SUFU: variants seen among roughly 807,000 people sequenced by gnomAD.
SUFU encodes the protein SUFU negative regulator of hedgehog signaling.
SUFU carries 7 observed loss-of-function variants against 58.9 expected under a neutral mutation model. The ratio of observed to expected loss-of-function variants is 0.12; its 90% CI spans 0.07 to 0.22. The LOEUF is 0.22. Ranked by LOEUF, SUFU falls within the 10% of genes least tolerant of loss-of-function variation. SUFU has a pLI of 1.00. For synonymous variants in SUFU, 232 were observed against 254.8 expected (o/e 0.91, Z 0.85); for missense variants, 451 against 641.3 (o/e 0.70, Z 3.20).
In SUFU at chr10:102,632,539, G is replaced by A. The variant is rs1480564759; in HGVS notation, c.*2384G>A. ...TCTTGGGCTGCTGGCTGGTGAGAGA[G>A]GACCCTTAAAGAAGATCAAGCCAAG... On this transcript the variant is annotated 3_prime_UTR_variant, in exon 12 of 12. Transcript: ENST00000369902. 24 of 233,254 alleles carry A rather than the reference G, an allele frequency of 1.0e-4. No homozygotes were observed. The Admixed American group carries it at 1.3e-3, about 13-fold the overall frequency. 14.4% of individuals were successfully genotyped at this position (233,254 alleles called of 1,614,324 possible).
chr10:102,603,458 C>G (rs2063533219), intron 8 of SUFU, among the ~76,000 whole-genome samples: 1 of 152,126 alleles, frequency 6.6e-6, no homozygotes. Context: ...GTGTGCCCTC[C>G]CAGAGAGGGA....
Position 102,597,527 on chromosome 10 carries a change from CCGT to C in SUFU, c.910+235_910+237del, listed in dbSNP as rs1396620474. Among the ~76,000 whole-genome samples, 8 of 152,358 alleles carry C rather than the reference CCGT, an allele frequency of 5.3e-5. No individual in the cohort carries two copies. The East Asian group carries it at 1.5e-3, about 29-fold the overall frequency. On this transcript the variant is annotated intron_variant, in intron 7 of 11. Coordinates refer to ENST00000369902, the MANE Select transcript of SUFU (RefSeq NM_016169.4). ...ATTTCAAATGCATCACCAGCAGGCA[CCGT>C]TGTGTTTTAGATATGCCCTTTGCAA...
intron 2 of SUFU, among the ~76,000 whole-genome samples, chr10:102,547,015 C>G (rs753503912): frequency 1.3e-5 from 2 of 152,260 alleles, no homozygotes; most frequent in Admixed American, 1.3e-4. Flanking sequence ...CCAGTGATTT[C>G]TTTCTCTGCA....
At chr10:102,579,984 C>T (rs1039482422) in intron 3 of SUFU, 22 of 394,276 alleles carry the variant, frequency 5.6e-5, no homozygotes, top group African/African-American at 3.9e-4. Flanking sequence ...CCAAGAGCTC[C>T]TCAGCCACAT....
rs10656431 is a variant in SUFU at position 102,577,080 on chromosome 10, C to CTTTTTTTTTTTTTTT, written c.455-15498_455-15497insTTTTTTTTTTTTTTT. ...AGTAGAAGCATGTCCTGGATTTTTT[C>CTTTTTTTTTTTTTTT]TTTTCTTTTTTTTTTTTTTTTGAGA... On this transcript the variant is annotated intron_variant, in intron 3 of 11. Coordinates refer to ENST00000369902, the MANE Select transcript of SUFU (RefSeq NM_016169.4). 4.1e-5 allele frequency among the ~76,000 whole-genome samples: 4 copies of CTTTTTTTTTTTTTTT among 97,086 alleles called. 1 individual carries two copies. The highest frequency in any genetic ancestry group is 8.8e-5 in the Non-Finnish European group (4 of 45,262). 63.7% of individuals were successfully genotyped at this position (97,086 alleles called of 152,430 possible). A position where few individuals can be genotyped will look rare whatever the true frequency, so the allele number is the denominator to read the frequency against.
Position 102,617,215 on chromosome 10 carries a change from G to A in SUFU, c.1158-75G>A. 1 of 1,607,120 alleles carries A rather than the reference G, an allele frequency of 6.2e-7. No individual in the cohort carries two copies. The highest frequency in any genetic ancestry group is 1.7e-5 in the Admixed American group (1 of 59,978). On this transcript the variant is annotated intron_variant, in intron 9 of 11. Coordinates refer to ENST00000369902, the MANE Select transcript of SUFU (RefSeq NM_016169.4). The surrounding 1 kb of genome is among the most constrained non-coding windows in gnomAD (Gnocchi z 4.4). ...GGACCATAGTCCCCACTGTCCCAGA[G>A]CCTTGGCCAGGCCTGCTGTGCTTGG...
Position 102,587,276 on chromosome 10 carries a change from C to T in SUFU, c.455-5306C>T, listed in dbSNP as rs144484047. Among the ~76,000 whole-genome samples the T allele has an allele frequency of 1.2e-3, 177 of 152,202 alleles. 1 individual carries two copies. The highest frequency in any genetic ancestry group is 4.1e-3 in the African/African-American group (170 of 41,538). ...TGTGTTTAAATTTTTTTTGCAGAAC[C>T]GCCGTACTGTTTTGCACAGCGGCTG... On this transcript the variant is annotated intron_variant, in intron 3 of 11. Coordinates refer to ENST00000369902, the MANE Select transcript of SUFU (RefSeq NM_016169.4).
intron 8 of SUFU, among the ~76,000 whole-genome samples, chr10:102,612,193 G>GTT (rs1038042387): frequency 3.1e-5 from 3 of 97,682 alleles, no homozygotes; most frequent in Non-Finnish European, 4.4e-5. Flanking sequence ...GTGTGTGTGT[G>GTT]TGTGTGTGTG....
intron 8 of SUFU, among the ~76,000 whole-genome samples, chr10:102,604,020 C>T (rs1048697565): frequency 3.3e-5 from 5 of 152,220 alleles, no homozygotes; most frequent in Non-Finnish European, 5.9e-5. Context: ...TGGTGCCGCT[C>T]GCACGAAGGG....
chr10:102,515,559 A>C (rs2062459047), intron 2 of SUFU, among the ~76,000 whole-genome samples: 1 of 151,958 alleles, frequency 6.6e-6, no homozygotes, highest in African/African-American at 2.4e-5. Context: ...CAGGTGATCC[A>C]CCCACCTCAG....
At position 102,630,707 on chromosome 10, in the gene SUFU, A is replaced by G; in HGVS notation, c.*552A>G. 3.5e-6 allele frequency: 1 copy of G among 282,038 alleles called. No individual in the cohort carries two copies. Among genetic ancestry groups the G allele is most frequent in the Middle Eastern group, 1.1e-3 (1 of 944 alleles). The allele number at this position is 282,038 out of a possible 1,614,324, so 17.5% of individuals were successfully genotyped here. On this transcript the variant is annotated 3_prime_UTR_variant, in exon 12 of 12. Transcript: ENST00000369902. ...ATTTTATTGCTCTGCAAAGATGTCC[A>G]GAAGCCATGTATATAATGTTTTTTA... is the stretch of plus-strand genomic sequence containing the variant.
chr10:102,607,666 C>T lies in SUFU; in HGVS notation c.1023-7602C>T, dbSNP rs150181301. Among the ~76,000 whole-genome samples, 235 of 152,268 alleles carry T rather than the reference C, an allele frequency of 1.5e-3. 1 individual carries two copies. The highest frequency in any genetic ancestry group is 5.4e-3 in the African/African-American group (224 of 41,546). On this transcript the variant is annotated intron_variant, in intron 8 of 11. Coordinates refer to ENST00000369902, the MANE Select transcript of SUFU (RefSeq NM_016169.4). ...TGGTGACTCACGCCTGTAATCCCAG[C>T]ACTTTGAGAGGCCAAGGCGTGCAGA... is the stretch of plus-strand genomic sequence containing the variant.
chr10:102,608,793 C>T lies in SUFU; in HGVS notation c.1023-6475C>T, dbSNP rs758243318. 1.5e-4 allele frequency among the ~76,000 whole-genome samples: 23 copies of T among 152,268 alleles called. No individual in the cohort carries two copies. In the Middle Eastern group the frequency reaches 0.017, roughly 113 times the overall value. The stretch of plus-strand genomic sequence containing the variant: ...AATGCTGGCTTACACAAAATGAAAC[C>T]GGTACATTTTCCCTCTGTCCTCCTC... On this transcript the variant is annotated intron_variant, in intron 8 of 11. Transcript: ENST00000369902.
chr10:102,598,630 T>C (rs2063487298), intron 7 of SUFU, among the ~76,000 whole-genome samples: 1 of 152,234 alleles, frequency 6.6e-6, no homozygotes, highest in African/African-American at 2.4e-5. Context: ...TTTTAAAAAT[T>C]GTAAAAGTAA....
intron 2 of SUFU, among the ~76,000 whole-genome samples, chr10:102,535,586 C>T (rs946974678): frequency 6.6e-6 from 1 of 152,154 alleles, no homozygotes; most frequent in Non-Finnish European, 1.5e-5. Flanking sequence ...TTGGACTGGG[C>T]TGGCCTCCTA....
chr10:102,621,277 G>A (rs770741157), intron 10 of SUFU, among the ~76,000 whole-genome samples: 7 of 152,172 alleles, frequency 4.6e-5, no homozygotes, highest in Non-Finnish European at 7.4e-5. Flanking sequence ...GGACTGCCCC[G>A]AGACCTTGTT....
At chr10:102,517,887 T>C (rs1242635973) in intron 2 of SUFU, among the ~76,000 whole-genome samples, 1 of 152,128 alleles carries the variant, frequency 6.6e-6, no homozygotes, top group African/African-American at 2.4e-5. Context: ...AGGCAGAACA[T>C]TGGACAAGAT....
At chr10:102,612,592 C>T (rs907284052) in intron 8 of SUFU, among the ~76,000 whole-genome samples, 5 of 152,174 alleles carry the variant, frequency 3.3e-5, no homozygotes, top group African/African-American at 1.2e-4. Context: ...CCCACCCCAC[C>T]TCCCATTGCT....
intron 8 of SUFU, among the ~76,000 whole-genome samples, chr10:102,602,680 T>C (rs1464063467): frequency 6.6e-6 from 1 of 152,226 alleles, no homozygotes; most frequent in African/African-American, 2.4e-5. Context: ...GGGGATTTCT[T>C]TCCATTTTGA....
Sources: gnomAD v4.1 joint callset for allele counts (sites outside exome capture counted in the v4.1 genomes callset) on GRCh38, gnomAD v4.1.1 for gene constraint, Gnocchi (gnomAD v3.1) non-coding constraint, MANE v1.5 for transcripts, NCBI Gene and HGNC (gene_info 2026-07-23, HGNC 2026-07-21) for gene names.